The following INTS1 variants were observed in gnomAD, a reference collection of about 807,000 sequenced individuals.
INTS1 encodes the protein integrator complex subunit 1.
INTS1 carries 137 observed loss-of-function variants against 241.6 expected under a neutral mutation model. The ratio of observed to expected loss-of-function variants is 0.57; its 90% CI spans 0.49 to 0.65. INTS1 has a LOEUF of 0.65. Ranked by LOEUF, INTS1 falls within the 30% of genes least tolerant of loss-of-function variation. The pLI is 0.00. For synonymous variants in INTS1, 1,692 were observed against 1,337.8 expected, an observed-to-expected ratio of 1.26 and a Z score of -5.78; for missense variants, 3,073 against 3,032.2, an observed-to-expected ratio of 1.01 and a Z score of -0.32.
intron 18 of INTS1, among the ~76,000 whole-genome samples, chr7:1,488,371 A>T (rs1339283608): frequency 3.3e-5 from 5 of 152,168 alleles, no homozygotes; most frequent in Non-Finnish European, 7.4e-5. Context: ...ACAGAGGCAC[A>T]CGTGGCTTCG....
intron 44 of INTS1, 74 bp from the exon 45 acceptor site, chr7:1,471,715 A>G: frequency 7.1e-7 from 1 of 1,412,616 alleles, no homozygotes; most frequent in Non-Finnish European, 1.0e-6. Context: ...CCAGCCACCC[A>G]GAGGGGGCAA....
Position 1,478,709 on chromosome 7 carries a change from C to G in INTS1, c.4489+17G>C. On this transcript the variant is annotated intron_variant, in intron 32 of 47. Transcript: ENST00000404767. ...CCAGTGCCCCCCAGCCGTCTGCCAG[C>G]CCGGCGCGGTCCTCACCATCACTGA... The G allele has an allele frequency of 6.5e-7, 1 of 1,540,974 alleles. No homozygotes were observed. Among genetic ancestry groups the G allele is most frequent in the Non-Finnish European group, 8.8e-7 (1 of 1,141,874 alleles).
chr7:1,497,216 G>C lies in INTS1; in HGVS notation c.1524C>G (p.His508Gln). ...LLREIIKQTK[H>Q]EINFQAFCLG... is the part of the protein sequence containing the mutation. ...GGCAGAAGGCCTGGAAGTTGATCTC[G>C]TGCTTGGTCTGCTTGATGATCTCCC... The change falls in exon 11 of 48, where the codon CAC becomes CAG. Residue 508 changes from histidine (H) to glutamine (Q), a missense_variant. Coordinates refer to ENST00000404767, the MANE Select transcript of INTS1 (RefSeq NM_001080453.3). This position sits in a 1 kb window ranked among gnomAD's most constrained non-coding sequence, Gnocchi z 5.3. 1 of 1,613,050 alleles carries C rather than the reference G, an allele frequency of 6.2e-7. No homozygotes were observed. Among genetic ancestry groups the C allele is most frequent in the Non-Finnish European group, 8.5e-7 (1 of 1,179,740 alleles).
In INTS1 at chr7:1,493,885, A is replaced by G; in HGVS notation, c.1937T>C (p.Val646Ala). 6.4e-7 allele frequency: 1 copy of G among 1,562,960 alleles called. No individual in the cohort carries two copies. The highest frequency in any genetic ancestry group is 8.7e-7 in the Non-Finnish European group (1 of 1,154,330). Residue 646 changes from valine to alanine, a missense_variant, in exon 15 of 48, where the codon GTG becomes GCG. Transcript: ENST00000404767. This position sits in a 1 kb window ranked among gnomAD's most constrained non-coding sequence, Gnocchi z 5.3. ...RNFFLRLCSE[V>A]PILEDTLMRI... ...CATCAGCGTGTCCTCCAAAATGGGC[A>G]CCTCGGAGCACAGACGCAGGAAGAA...
At chr7:1,487,542 C>T in intron 19 of INTS1, 93 bp from the exon 20 acceptor site, 8 of 1,467,604 alleles carry the variant, frequency 5.5e-6, no homozygotes, top group Admixed American at 2.1e-5. Flanking sequence ...GAGGGGCAGC[C>T]GACAGCCCGA....
intron 33 of INTS1, 116 bp from the exon 34 acceptor site, chr7:1,478,052 G>A: frequency 2.2e-6 from 2 of 893,030 alleles, no homozygotes; most frequent in Non-Finnish European, 3.6e-6. Context: ...CACAAGAGCA[G>A]AGTCCAGCCG....
chr7:1,474,031 G>C (rs956783099), intron 41 of INTS1, 137 bp downstream of exon 41: 50 of 1,023,864 alleles, frequency 4.9e-5, no homozygotes, highest in Non-Finnish European at 5.8e-5. Flanking sequence ...GGTGGGAGCT[G>C]GTCCCCAGGG....
rs780771348 is a variant in INTS1 at position 1,496,283 on chromosome 7, G to T, written c.1603-19C>A. 2 of 1,608,858 alleles carry T rather than the reference G, an allele frequency of 1.2e-6. No individual in the cohort carries two copies. Among genetic ancestry groups the T allele is most frequent in the Admixed American group, 1.7e-5 (1 of 59,978 alleles). ...AGCGCTCCTGCAGGTGCAGCACGGG[G>T]TCTGTATCCAGAAGGGACACCCGGG... On this transcript the variant is annotated intron_variant, in intron 11 of 47. Transcript: ENST00000404767.
intron 9 of INTS1, 66 bp from the exon 10 acceptor site, chr7:1,498,619 C>T: frequency 1.3e-6 from 2 of 1,583,888 alleles, no homozygotes; most frequent in South Asian, 1.1e-5. Flanking sequence ...CCTGTGCCCC[C>T]ACTCCGCCCG....
Position 1,479,638 on chromosome 7 carries a change from C to A in INTS1, c.4121G>T (p.Arg1374Leu), listed in dbSNP as rs758384870. 2.0e-6 allele frequency: 3 copies of A among 1,509,738 alleles called. No individual in the cohort carries two copies. The highest frequency in any genetic ancestry group is 1.8e-4 in the Middle Eastern group (1 of 5,466). The allele number at this position is 1,509,738 out of a possible 1,614,324, so 93.5% of individuals were successfully genotyped here. A position where few individuals can be genotyped will look rare whatever the true frequency, so the allele number is the denominator to read the frequency against. The change falls in exon 31 of 48, where the codon CGC becomes CTC. Residue 1374 changes from arginine to leucine, a missense_variant. Arg to Leu is a moderately radical substitution (Grantham distance 102). Coordinates refer to ENST00000404767, the MANE Select transcript of INTS1 (RefSeq NM_001080453.3). ...PDPRWQSSSP[R>L]PVALALQQAL... ...CTGCTGCAGGGCGAGGGCCACGGGG[C>A]GGGGACTGGAGCTCTGCCACCGAGG... is the stretch of plus-strand genomic sequence containing the variant.
Position 1,502,691 on chromosome 7 carries a change from G to A in INTS1, c.349+210C>T, listed in dbSNP as rs560605704. ...TAAGGGAGTGACCCGGTTCTCAAAG[G>A]GCAGCCACTGGCAGTGCAGGACGCA... On this transcript the variant is annotated intron_variant, in intron 3 of 47. Coordinates refer to ENST00000404767, the MANE Select transcript of INTS1 (RefSeq NM_001080453.3). 2.2e-3 allele frequency among the ~76,000 whole-genome samples: 341 copies of A among 152,284 alleles called. 2 individuals are homozygous for A. Among genetic ancestry groups the A allele is most frequent in the African/African-American group, 7.9e-3 (329 of 41,544 alleles).
chr7:1,493,627 G>T lies in INTS1; in HGVS notation c.2068+127C>A. 1 of 1,279,492 alleles carries T rather than the reference G, an allele frequency of 7.8e-7. No individual in the cohort carries two copies. The highest frequency in any genetic ancestry group is 1.0e-6 in the Non-Finnish European group (1 of 960,712). 79.3% of individuals were successfully genotyped at this position (1,279,492 alleles called of 1,614,324 possible). A position where few individuals can be genotyped will look rare whatever the true frequency, so the allele number is the denominator to read the frequency against. Reference sequence around the variant, plus strand: ...GAGAAGGCAGGTCCCCGAGCCTCCCGGGGACCCAGGACCCAGCTGAAGCGC... The same window carrying T: ...GAGAAGGCAGGTCCCCGAGCCTCCCTGGGACCCAGGACCCAGCTGAAGCGC... On this transcript the variant is annotated intron_variant, in intron 15 of 47. Coordinates refer to ENST00000404767, the MANE Select transcript of INTS1 (RefSeq NM_001080453.3). The surrounding 1 kb of genome is among the most constrained non-coding windows in gnomAD (Gnocchi z 5.3).
At chr7:1,482,771 G>T in intron 26 of INTS1, 64 bp from the exon 27 acceptor site, 1 of 1,574,492 alleles carries the variant, frequency 6.4e-7, no homozygotes, top group South Asian at 1.2e-5. Context: ...AAGCACCGCT[G>T]GTGCCAAGGC....
Position 1,470,549 on chromosome 7 carries a change from G to T in INTS1, c.*28C>A, listed in dbSNP as rs377392962. The T allele has an allele frequency of 4.5e-4, 669 of 1,495,978 alleles. No individual in the cohort carries two copies. Among genetic ancestry groups the T allele is most frequent in the South Asian group, 8.4e-4 (69 of 82,262 alleles). The allele number at this position is 1,495,978 out of a possible 1,614,324, so 92.7% of individuals were successfully genotyped here. On this transcript the variant is annotated 3_prime_UTR_variant, in exon 48 of 48. Coordinates refer to ENST00000404767, the MANE Select transcript of INTS1 (RefSeq NM_001080453.3). ...ATCCCCGGGGACGGGACGGGCCGGGGCTTGGAGGGGGGTCGGCTGCCACAG... is the reference window on the plus strand; with the variant it reads ...ATCCCCGGGGACGGGACGGGCCGGGTCTTGGAGGGGGGTCGGCTGCCACAG...
At position 1,481,316 on chromosome 7, in the gene INTS1, C is replaced by T; in HGVS notation, c.3850+26G>A. 1 of 1,612,270 alleles carries T rather than the reference C, an allele frequency of 6.2e-7. No homozygotes were observed. Among genetic ancestry groups the T allele is most frequent in the Non-Finnish European group, 8.5e-7 (1 of 1,179,572 alleles). On this transcript the variant is annotated intron_variant, in intron 28 of 47. Transcript: ENST00000404767. The surrounding 1 kb of genome is among the most constrained non-coding windows in gnomAD (Gnocchi z 6.8). Reference sequence around the variant, plus strand: ...GGGGCTCGGTCAGCGTGTGTGAACCCACTCCGCAGGTCCCTGGCATCTTAC... The same window carrying T: ...GGGGCTCGGTCAGCGTGTGTGAACCTACTCCGCAGGTCCCTGGCATCTTAC...
intron 2 of INTS1, among the ~76,000 whole-genome samples, chr7:1,503,623 C>A (rs941471049): frequency 6.6e-6 from 1 of 152,236 alleles, no homozygotes; most frequent in South Asian, 2.1e-4. Context: ...CTGCCTCCCG[C>A]CTCCTGGCTG....
intron 29 of INTS1, 41 bp from the exon 30 acceptor site, chr7:1,480,482 G>A: frequency 1.3e-6 from 2 of 1,598,242 alleles, no homozygotes; most frequent in Non-Finnish European, 1.7e-6. Flanking sequence ...GACACTTTCT[G>A]ACCTGCTTCC....
chr7:1,473,491 C>A, intron 42 of INTS1, 75 bp downstream of exon 42: 1 of 1,516,576 alleles, frequency 6.6e-7, no homozygotes, highest in Non-Finnish European at 8.9e-7. Flanking sequence ...ACACGGCCTT[C>A]CCAGGAACAC....
rs1782381356 is a variant in INTS1, at chr7:1,488,354, C to T, written c.2319-397G>A. ...GACAGACCTGCAGGGCAGGGACTCTCTTGCCTACAGAGGCACACGTGGCTT... is the reference window on the plus strand; with the variant it reads ...GACAGACCTGCAGGGCAGGGACTCTTTTGCCTACAGAGGCACACGTGGCTT... On this transcript the variant is annotated intron_variant, in intron 18 of 47. Coordinates refer to ENST00000404767, the MANE Select transcript of INTS1 (RefSeq NM_001080453.3). Among the ~76,000 whole-genome samples, 3 of 152,176 alleles carry T rather than the reference C, an allele frequency of 2.0e-5. No individual in the cohort carries two copies. The South Asian group carries it at 6.2e-4, about 31-fold the overall frequency.
Sources: gnomAD v4.1 joint callset for allele counts (sites outside exome capture counted in the v4.1 genomes callset) on GRCh38, gnomAD v4.1.1 for gene constraint, Gnocchi (gnomAD v3.1) non-coding constraint, MANE v1.5 for transcripts, NCBI Gene and HGNC (gene_info 2026-07-23, HGNC 2026-07-21) for gene names.